THSD4: variants seen among roughly 807,000 people sequenced by gnomAD.
THSD4 encodes thrombospondin type 1 domain containing 4.
A neutral mutation model predicts 119.0 loss-of-function variants in THSD4; 69 were observed. That is an observed-to-expected ratio of 0.58 (90% CI 0.48 to 0.71). THSD4 has a LOEUF of 0.71. Ranked by LOEUF, THSD4 falls within the 30% of genes least tolerant of loss-of-function variation. THSD4 has a pLI of 0.00. For synonymous variants in THSD4, 524 were observed against 540.4 expected (o/e 0.97, Z 0.42); for missense variants, 1,393 against 1,391.1 (o/e 1.00, Z -0.02).
At chr15:71,154,761 G>GT (rs2040759307) in intron 2 of THSD4, 102 bp from the exon 3 acceptor site, 1 of 1,224,976 alleles carries the variant, frequency 8.2e-7, no homozygotes, top group Non-Finnish European at 1.2e-6. Flanking sequence ...GGGTTGGGCT[G>GT]TTCCCCCCCC....
At chr15:71,191,956 G>A (rs2043675855) in intron 3 of THSD4, among the ~76,000 whole-genome samples, 1 of 149,510 alleles carries the variant, frequency 6.7e-6, no homozygotes, top group African/African-American at 2.5e-5. Context: ...GGGCTGGAGT[G>A]TAGTGGCACG....
chr15:71,410,518 T>C (rs2046672384), intron 6 of THSD4, among the ~76,000 whole-genome samples: 1 of 152,104 alleles, frequency 6.6e-6, no homozygotes, highest in Admixed American at 6.5e-5. Context: ...ACTGTGTATT[T>C]AGGAATGGGA....
intron 4 of THSD4, among the ~76,000 whole-genome samples, chr15:71,228,164 A>G (rs1308529891): frequency 5.9e-5 from 9 of 152,052 alleles, no homozygotes; most frequent in Admixed American, 2.6e-4. Context: ...GGTGAGTTCT[A>G]TGTGCAATTA....
chr15:71,184,884 TAA>T lies in THSD4; in HGVS notation c.99+29953_99+29954del, dbSNP rs1209462913. 2.1e-4 allele frequency among the ~76,000 whole-genome samples: 32 copies of T among 152,002 alleles called. 1 individual carries two copies. The East Asian group carries it at 6.2e-3, about 29-fold the overall frequency. ...TTGTTTTGTTTTGTTTTCATGTTAA[TAA>T]TGTCACTGAGACCCACCCGCTCCCC... On this transcript the variant is annotated intron_variant, in intron 3 of 17. Transcript: ENST00000261862.
intron 7 of THSD4, among the ~76,000 whole-genome samples, chr15:71,588,978 GC>G (rs775983701): frequency 5.3e-5 from 8 of 152,260 alleles, no homozygotes; most frequent in Non-Finnish European, 1.2e-4. Context: ...GTCATGGGAA[GC>G]CTTGTGAGAG....
At chr15:71,473,164 C>G (rs1448685551) in intron 7 of THSD4, among the ~76,000 whole-genome samples, 1 of 150,908 alleles carries the variant, frequency 6.6e-6, no homozygotes, top group Non-Finnish European at 1.5e-5. Flanking sequence ...GCAAGCAAAT[C>G]CTCCTGCCTC....
chr15:71,172,850 C>A (rs192764214), intron 3 of THSD4, among the ~76,000 whole-genome samples: 31 of 150,436 alleles, frequency 2.1e-4, no homozygotes, highest in Admixed American at 1.9e-3. Flanking sequence ...GTACAATATA[C>A]GAAAACTAAC....
chr15:71,572,225 T>C (rs1263801455), intron 7 of THSD4, among the ~76,000 whole-genome samples: 3 of 152,242 alleles, frequency 2.0e-5, no homozygotes, highest in African/African-American at 4.8e-5. Flanking sequence ...GAATTTCCAG[T>C]TGGGTGAGAG....
At chr15:71,335,365 C>G (rs112044240) in intron 6 of THSD4, among the ~76,000 whole-genome samples, 14 of 152,056 alleles carry the variant, frequency 9.2e-5, no homozygotes, top group African/African-American at 3.1e-4. Context: ...CCAAGTACCC[C>G]CTAACCTCTC....
intron 6 of THSD4, among the ~76,000 whole-genome samples, chr15:71,311,795 C>T (rs931245351): frequency 6.6e-6 from 1 of 152,162 alleles, no homozygotes; most frequent in African/African-American, 2.4e-5. Context: ...CTCGTCACTC[C>T]TCTTCAGTCT....
intron 7 of THSD4, among the ~76,000 whole-genome samples, chr15:71,652,091 C>G (rs1416639870): frequency 6.6e-6 from 1 of 152,312 alleles, no homozygotes; most frequent in African/African-American, 2.4e-5. Flanking sequence ...GATCAGAGTT[C>G]ATCAACCCAA....
chr15:71,346,153 C>G (rs1249515214), intron 6 of THSD4, among the ~76,000 whole-genome samples: 1 of 152,118 alleles, frequency 6.6e-6, no homozygotes, highest in Non-Finnish European at 1.5e-5. Context: ...GGAAGTATTT[C>G]TTATTCTCTT....
intron 7 of THSD4, among the ~76,000 whole-genome samples, chr15:71,582,597 A>G (rs1251401803): frequency 6.6e-6 from 1 of 152,260 alleles, no homozygotes; most frequent in East Asian, 1.9e-4. Flanking sequence ...GTCACTATTG[A>G]GTATGGCTTT....
chr15:71,157,222 A>C (rs1439511813), intron 3 of THSD4, among the ~76,000 whole-genome samples: 1 of 152,200 alleles, frequency 6.6e-6, no homozygotes, highest in Admixed American at 6.5e-5. Flanking sequence ...AACCTGAACA[A>C]AAGGTCCCCA....
At chr15:71,164,320 T>C (rs1353372202) in intron 3 of THSD4, among the ~76,000 whole-genome samples, 1 of 151,642 alleles carries the variant, frequency 6.6e-6, no homozygotes, top group East Asian at 1.9e-4. Context: ...AATAAAAAAA[T>C]TGTATTTACT....
intron 3 of THSD4, among the ~76,000 whole-genome samples, chr15:71,167,467 G>A (rs953115457): frequency 2.6e-5 from 4 of 152,218 alleles, no homozygotes; most frequent in African/African-American, 7.2e-5. Context: ...ATAGAAAGGT[G>A]TTAACTGCAA....
At chr15:71,540,940 C>T (rs1453327860) in intron 7 of THSD4, among the ~76,000 whole-genome samples, 1 of 152,098 alleles carries the variant, frequency 6.6e-6, no homozygotes, top group Non-Finnish European at 1.5e-5. Flanking sequence ...CCAGGCTGGT[C>T]TCGAACTCCT....
At chr15:71,299,948 CCCTGTCTCTA>C (rs2044920896) in intron 6 of THSD4, among the ~76,000 whole-genome samples, 3 of 108,868 alleles carry the variant, frequency 2.8e-5, no homozygotes, top group Non-Finnish European at 5.4e-5. Context: ...CATAATGAGA[CCCTGTCTCTA>C]CCAAAAAAAA....
intron 3 of THSD4, among the ~76,000 whole-genome samples, chr15:71,205,068 T>C (rs1411271437): frequency 6.6e-6 from 1 of 152,194 alleles, no homozygotes; most frequent in Non-Finnish European, 1.5e-5. Context: ...GGGGAGCTTA[T>C]TTAAAATGCA....
Sources: gnomAD v4.1 joint callset for allele counts (sites outside exome capture counted in the v4.1 genomes callset) on GRCh38, gnomAD v4.1.1 for gene constraint, MANE v1.5 for transcripts, NCBI Gene and HGNC (gene_info 2026-07-23, HGNC 2026-07-21) for gene names.